The following SGK1 variants were observed in gnomAD, a reference collection of about 807,000 sequenced individuals.
The protein encoded by SGK1 is serine/threonine-protein kinase Sgk1.
A neutral mutation model predicts 64.2 loss-of-function variants in SGK1; 26 were observed. The observed-to-expected ratio is 0.40, with a 90% confidence interval of 0.30 to 0.56. The LOEUF is 0.56. Among genes scored for constraint, SGK1 ranks in the 20% least tolerant of loss-of-function variants. SGK1 has a pLI of 0.38. For missense variants in SGK1, 519 were observed against 645.6 expected (o/e 0.80, Z 2.12); for synonymous variants, 265 against 239.7 (o/e 1.11, Z -0.98).
At chr6:134,211,131 A>G (rs956940147) in intron 2 of SGK1, among the ~76,000 whole-genome samples, 4 of 152,160 alleles carry the variant, frequency 2.6e-5, no homozygotes, top group Admixed American at 1.3e-4. Context: ...TCAAAAAAAA[A>G]AAAAAATTGT....
intron 2 of SGK1, among the ~76,000 whole-genome samples, chr6:134,233,354 A>T (rs1209706919): frequency 2.0e-5 from 3 of 152,222 alleles, no homozygotes; most frequent in Non-Finnish European, 4.4e-5. Flanking sequence ...GAGATGGTTC[A>T]TGTTGCGTCA....
intron 3 of SGK1, among the ~76,000 whole-genome samples, chr6:134,178,295 T>C (rs1435624736): frequency 6.6e-6 from 1 of 151,910 alleles, no homozygotes; most frequent in Non-Finnish European, 1.5e-5. Flanking sequence ...AGAATCAAGT[T>C]GTTGAGACTG....
chr6:134,232,898 C>A (rs2114716075), intron 2 of SGK1, among the ~76,000 whole-genome samples: 1 of 151,626 alleles, frequency 6.6e-6, no homozygotes, highest in African/African-American at 2.4e-5. Context: ...ACAGATAAGT[C>A]AATGTAGGAA....
intron 3 of SGK1, among the ~76,000 whole-genome samples, chr6:134,206,354 T>C (rs1369908993): frequency 1.0e-4 from 1 of 9,728 alleles, no homozygotes; most frequent in African/African-American, 2.7e-4. Context: ...TATATATATA[T>C]ATATATATAT....
intron 5 of SGK1, 197 bp from the exon 6 acceptor site, chr6:134,173,763 T>C: frequency 3.4e-6 from 2 of 592,376 alleles, no homozygotes; most frequent in Admixed American, 7.0e-5. Context: ...TTCAGACAGA[T>C]AAAACCTTTT....
chr6:134,249,795 C>T (rs1776579690), intron 2 of SGK1, among the ~76,000 whole-genome samples: 1 of 152,216 alleles, frequency 6.6e-6, no homozygotes, highest in Non-Finnish European at 1.5e-5. Flanking sequence ...CCTGAAAGGT[C>T]TGCTTTCATG....
intron 2 of SGK1, among the ~76,000 whole-genome samples, chr6:134,217,346 G>T (rs1433431835): frequency 1.3e-5 from 2 of 152,186 alleles, no homozygotes; most frequent in African/African-American, 2.4e-5. Flanking sequence ...AGCATTCTGT[G>T]CTCAGACTAG....
rs1344795565 is a variant in SGK1, at chr6:134,317,815, C to G, written c.-355G>C. The stretch of plus-strand genomic sequence containing the variant: ...GGTACGCCTCCCCGCCCCCAGCTAC[C>G]TGGCTGCTCTTCCGCGGCCGGCGCG... On this transcript the variant is annotated 5_prime_UTR_variant, in exon 1 of 14. Transcript: ENST00000367858. The G allele has an allele frequency of 4.5e-6, 1 of 223,958 alleles. No individual in the cohort carries two copies. The highest frequency in any genetic ancestry group is 2.3e-5 in the African/African-American group (1 of 44,032). 13.9% of individuals were successfully genotyped at this position (223,958 alleles called of 1,614,324 possible).
rs969215798 is a variant in SGK1 at position 134,273,233 on chromosome 6, T to C, written c.70-11085A>G. Among the ~76,000 whole-genome samples, 20 of 147,340 alleles carry C rather than the reference T, an allele frequency of 1.4e-4. 1 individual carries two copies. Among genetic ancestry groups the C allele is most frequent in the African/African-American group, 4.9e-4 (20 of 40,976 alleles). On this transcript the variant is annotated intron_variant, in intron 1 of 13. Transcript: ENST00000367858. Reference sequence around the variant, plus strand: ...GCTTCATTCCATGGAAAGAGTTTTATACAAAGGGCCATTGGAGAAAAGATG... The same window carrying C: ...GCTTCATTCCATGGAAAGAGTTTTACACAAAGGGCCATTGGAGAAAAGATG...
chr6:134,174,097 G>T lies in SGK1; in HGVS notation c.438-17C>A, dbSNP rs1775128721. ...ACTTCAGGGCTGCAGGGAATAAAGG[G>T]CACGATTTAGAATCCAGCTCGCCAC... On this transcript the variant is annotated splice_polypyrimidine_tract_variant and intron_variant, in intron 4 of 13. Coordinates refer to ENST00000367858, the MANE Select transcript of SGK1 (RefSeq NM_001143676.3). The T allele has an allele frequency of 1.2e-6, 2 of 1,600,290 alleles. No homozygotes were observed. Among genetic ancestry groups the T allele is most frequent in the Admixed American group, 1.7e-5 (1 of 57,826 alleles).
chr6:134,175,401 C>T (rs1010175613), intron 3 of SGK1: 2 of 1,266,586 alleles, frequency 1.6e-6, no homozygotes, highest in African/African-American at 1.6e-5. Flanking sequence ...CGCAGGCCTG[C>T]GCGCGCGACC....
chr6:134,176,648 C>A (rs1260057167), intron 3 of SGK1, among the ~76,000 whole-genome samples: 1 of 152,222 alleles, frequency 6.6e-6, no homozygotes, highest in African/African-American at 2.4e-5. Context: ...CTCTTGCTAC[C>A]AAAGGCTCTG....
At position 134,195,157 on chromosome 6, in the gene SGK1, T is replaced by C. The variant is rs567361161; in HGVS notation, c.361+12199A>G. ...ATGAAAGATCTTGGACATAAATGATTTGGATAAAATAAGCACATGAAAATA... is the reference window on the plus strand; with the variant it reads ...ATGAAAGATCTTGGACATAAATGATCTGGATAAAATAAGCACATGAAAATA... On this transcript the variant is annotated intron_variant, in intron 3 of 13. Coordinates refer to ENST00000367858, the MANE Select transcript of SGK1 (RefSeq NM_001143676.3). Among the ~76,000 whole-genome samples, 3 of 152,266 alleles carry C rather than the reference T, an allele frequency of 2.0e-5. No individual in the cohort carries two copies. In the South Asian group the frequency reaches 6.2e-4, roughly 32 times the overall value.
intron 2 of SGK1, among the ~76,000 whole-genome samples, chr6:134,243,767 G>A (rs1005554831): frequency 1.3e-5 from 2 of 152,122 alleles, no homozygotes; most frequent in Non-Finnish European, 2.9e-5. Flanking sequence ...GAATTATACT[G>A]CCTGACTTAT....
At chr6:134,197,004 G>A (rs1028467962) in intron 3 of SGK1, among the ~76,000 whole-genome samples, 7 of 152,052 alleles carry the variant, frequency 4.6e-5, no homozygotes, top group South Asian at 2.1e-4. Flanking sequence ...AGGCTGAGGC[G>A]GACAGATCAC....
intron 1 of SGK1, among the ~76,000 whole-genome samples, chr6:134,274,572 G>A (rs1229789596): frequency 6.6e-6 from 1 of 151,276 alleles, no homozygotes; most frequent in Non-Finnish European, 1.5e-5. Flanking sequence ...TTTGAGTGTG[G>A]ACAAGATGTT....
rs535164078 is a variant in SGK1 at position 134,207,078 on chromosome 6, T to C, written c.361+278A>G. Among the ~76,000 whole-genome samples, 3 of 151,756 alleles carry C rather than the reference T, an allele frequency of 2.0e-5. No individual in the cohort carries two copies. In the South Asian group the frequency reaches 6.2e-4, roughly 32 times the overall value. On this transcript the variant is annotated intron_variant, in intron 3 of 13. Transcript: ENST00000367858. ...ATCTCTACTAAAAATACAAAAAAAT[T>C]AGCTGGGCATGGTGGCGGGCGCCTA... is the stretch of plus-strand genomic sequence containing the variant.
intron 2 of SGK1, among the ~76,000 whole-genome samples, chr6:134,255,729 C>A (rs1037857732): frequency 6.6e-6 from 1 of 151,726 alleles, no homozygotes. Context: ...GGATTACAGG[C>A]GCCCGCCACC....
At chr6:134,254,127 T>TTA (rs1562265566) in intron 2 of SGK1, among the ~76,000 whole-genome samples, 15 of 128,450 alleles carry the variant, frequency 1.2e-4, no homozygotes, top group Non-Finnish European at 1.0e-4. Flanking sequence ...TTTTTTTTTT[T>TTA]CAAAAAAAAA....
Sources: gnomAD v4.1 joint callset for allele counts (sites outside exome capture counted in the v4.1 genomes callset) on GRCh38, gnomAD v4.1.1 for gene constraint, MANE v1.5 for transcripts, NCBI Gene and HGNC (gene_info 2026-07-23, HGNC 2026-07-21) for gene names.